The following LRP1B variants were observed in gnomAD, a reference collection of about 807,000 sequenced individuals.
LRP1B encodes the protein LDL receptor related protein 1B.
In LRP1B, 217 loss-of-function variants were observed where a neutral mutation model predicts 556.6. The ratio of observed to expected loss-of-function variants is 0.39; its 90% CI spans 0.35 to 0.44. The LOEUF is 0.44. Among genes scored for constraint, LRP1B ranks in the 20% least tolerant of loss-of-function variants. LRP1B has a pLI of 1.00. For synonymous variants in LRP1B, 2,047 were observed against 1,865.8 expected (o/e 1.10, Z -2.50); for missense variants, 5,053 against 5,620.8 (o/e 0.90, Z 3.23).
intron 11 of LRP1B, among the ~76,000 whole-genome samples, chr2:141,021,511 A>C (rs974067937): frequency 6.6e-6 from 1 of 151,968 alleles, no homozygotes; most frequent in African/African-American, 2.4e-5. Context: ...TTGACACTTA[A>C]TTTTCCTGAG....
chr2:141,105,996 C>G (rs1205942260), intron 7 of LRP1B, among the ~76,000 whole-genome samples: 1 of 152,110 alleles, frequency 6.6e-6, no homozygotes. Flanking sequence ...GGGCCAAACT[C>G]TGCCAGCTGC....
intron 79 of LRP1B, among the ~76,000 whole-genome samples, chr2:140,329,332 G>T (rs745332466): frequency 1.1e-4 from 16 of 152,000 alleles, no homozygotes; most frequent in Non-Finnish European, 1.8e-4. Context: ...TTGAAAACTG[G>T]CACAGACAAA....
chr2:140,659,116 T>G (rs1168537588), intron 41 of LRP1B, among the ~76,000 whole-genome samples: 1 of 144,978 alleles, frequency 6.9e-6, no homozygotes, highest in African/African-American at 2.6e-5. Flanking sequence ...TTTTTTTTTT[T>G]TTTTTTTTTT....
intron 3 of LRP1B, among the ~76,000 whole-genome samples, chr2:141,269,714 A>G (rs948462627): frequency 6.6e-6 from 1 of 152,182 alleles, no homozygotes; most frequent in African/African-American, 2.4e-5. Flanking sequence ...ACATTACATA[A>G]AATTCTTTTT....
chr2:140,666,365 G>A (rs1009102290), intron 41 of LRP1B, among the ~76,000 whole-genome samples: 1 of 151,858 alleles, frequency 6.6e-6, no homozygotes, highest in Non-Finnish European at 1.5e-5. Flanking sequence ...AATGTTGGGG[G>A]AGGGCATTAG....
chr2:141,159,219 C>T (rs1415512407), intron 7 of LRP1B, among the ~76,000 whole-genome samples: 1 of 152,082 alleles, frequency 6.6e-6, no homozygotes, highest in Non-Finnish European at 1.5e-5. Flanking sequence ...TGTTAGTAAA[C>T]TCAGAGTGAT....
intron 1 of LRP1B, among the ~76,000 whole-genome samples, chr2:142,009,874 T>C (rs1702901981): frequency 6.6e-6 from 1 of 152,040 alleles, no homozygotes; most frequent in African/African-American, 2.4e-5. Flanking sequence ...CACAAGTGTA[T>C]GGATATATAC....
At chr2:140,675,554 C>A (rs575751627) in intron 41 of LRP1B, among the ~76,000 whole-genome samples, 1 of 152,200 alleles carries the variant, frequency 6.6e-6, no homozygotes, top group South Asian at 2.1e-4. Flanking sequence ...TTAATTAACA[C>A]TTATTTTAAT....
At chr2:140,457,765 GCTGTGACAAC>G in intron 60 of LRP1B, 114 bp from the exon 61 acceptor site, 1 of 833,294 alleles carries the variant, frequency 1.2e-6, no homozygotes, top group South Asian at 1.9e-5. Flanking sequence ...GTGAATAATT[GCTGTGACAAC>G]CTGTCAGGCC....
intron 85 of LRP1B, among the ~76,000 whole-genome samples, chr2:140,273,205 A>AT (rs1278447439): frequency 2.6e-5 from 4 of 151,914 alleles, no homozygotes; most frequent in South Asian, 2.1e-4. Context: ...TGTAAAGAAG[A>AT]TTCCACAGCT....
chr2:141,047,669 G>A (rs1033717144), intron 11 of LRP1B, among the ~76,000 whole-genome samples: 4 of 151,832 alleles, frequency 2.6e-5, no homozygotes, highest in Non-Finnish European at 5.9e-5. Context: ...TTACCTTCAA[G>A]GCCCTTTATT....
At chr2:140,553,122 G>A (rs1287273974) in intron 43 of LRP1B, among the ~76,000 whole-genome samples, 1 of 152,066 alleles carries the variant, frequency 6.6e-6, no homozygotes, top group Non-Finnish European at 1.5e-5. Flanking sequence ...TCATTGACAA[G>A]ATTATAAACA....
chr2:140,436,022 A>C (rs1361567782), intron 66 of LRP1B, among the ~76,000 whole-genome samples: 2 of 151,850 alleles, frequency 1.3e-5, no homozygotes, highest in Non-Finnish European at 2.9e-5. Context: ...TACACACATA[A>C]ATACATTCAC....
chr2:140,872,057 T>TG (rs902796179), intron 25 of LRP1B, among the ~76,000 whole-genome samples: 2 of 147,436 alleles, frequency 1.4e-5, no homozygotes, highest in East Asian at 4.0e-4. Flanking sequence ...TCATGTTTTT[T>TG]TTTTTTTCTC....
chr2:142,065,936 C>T (rs1240735839), intron 1 of LRP1B, among the ~76,000 whole-genome samples: 1 of 151,296 alleles, frequency 6.6e-6, no homozygotes, highest in Non-Finnish European at 1.5e-5. Flanking sequence ...TCAAATTTCT[C>T]TCCATCTGTG....
At chr2:142,120,430 G>T (rs888508775) in intron 1 of LRP1B, among the ~76,000 whole-genome samples, 7 of 152,020 alleles carry the variant, frequency 4.6e-5, no homozygotes, top group African/African-American at 1.7e-4. Context: ...AGTTTTCTTG[G>T]AATTTCCAGG....
intron 1 of LRP1B, among the ~76,000 whole-genome samples, chr2:141,974,485 C>A (rs1476808461): frequency 6.6e-6 from 1 of 151,912 alleles, no homozygotes; most frequent in Non-Finnish European, 1.5e-5. Flanking sequence ...CAGTGTTTGT[C>A]ACCAGTTAAA....
At chr2:141,740,063 A>C (rs898711035) in intron 2 of LRP1B, among the ~76,000 whole-genome samples, 4 of 152,164 alleles carry the variant, frequency 2.6e-5, no homozygotes, top group Non-Finnish European at 5.9e-5. Flanking sequence ...GAATCCTTGG[A>C]AGAGGGAATT....
intron 86 of LRP1B, among the ~76,000 whole-genome samples, chr2:140,266,687 C>G (rs1178064398): frequency 6.6e-6 from 1 of 151,822 alleles, no homozygotes; most frequent in African/African-American, 2.4e-5. Flanking sequence ...GATGTTCAAC[C>G]CTTTCTTTCC....
Sources: gnomAD v4.1 joint callset for allele counts (sites outside exome capture counted in the v4.1 genomes callset) on GRCh38, gnomAD v4.1.1 for gene constraint, MANE v1.5 for transcripts, NCBI Gene and HGNC (gene_info 2026-07-23, HGNC 2026-07-21) for gene names.